The following RFX3 variants were observed in gnomAD, a reference collection of about 807,000 sequenced individuals.
RFX3 encodes regulatory factor X3, also known as transcription factor RFX3.
RFX3 carries 14 observed loss-of-function variants against 98.6 expected under a neutral mutation model. The ratio of observed to expected loss-of-function variants is 0.14; its 90% confidence interval spans 0.09 to 0.22. The LOEUF (loss-of-function observed/expected upper bound fraction) is 0.22. Ranked by LOEUF, RFX3 falls within the 10% of genes least tolerant of loss-of-function variation. The pLI is 1.00. For missense variants in RFX3, 639 were observed against 926.9 expected (o/e 0.69, Z 4.03); for synonymous variants, 383 against 328.4 (o/e 1.17, Z -1.80).
At chr9:3,524,028 T>G (rs1818976437) in intron 1 of RFX3, among the ~76,000 whole-genome samples, 1 of 152,204 alleles carries the variant, frequency 6.6e-6, no homozygotes. Context: ...TAATTAGTAC[T>G]GTCACATTAT....
At chr9:3,325,993 C>A (rs1187812988) in intron 4 of RFX3, among the ~76,000 whole-genome samples, 1 of 152,052 alleles carries the variant, frequency 6.6e-6, no homozygotes, top group Non-Finnish European at 1.5e-5. Flanking sequence ...GAAATATTAA[C>A]AATAAACAGA....
At chr9:3,344,950 A>T (rs892976373) in intron 3 of RFX3, 3 of 651,212 alleles carry the variant, frequency 4.6e-6, no homozygotes, top group Non-Finnish European at 8.4e-6. Context: ...GTATAGATTT[A>T]ATACGGTAAC....
intron 1 of RFX3, among the ~76,000 whole-genome samples, chr9:3,439,655 C>G (rs909780212): frequency 2.0e-5 from 3 of 151,958 alleles, no homozygotes; most frequent in Non-Finnish European, 4.4e-5. Flanking sequence ...AATTCAAAAA[C>G]CTTCCCACAA....
intron 2 of RFX3, chr9:3,394,699 C>G: frequency 2.7e-6 from 1 of 374,492 alleles, no homozygotes; most frequent in Non-Finnish European, 3.7e-6. Flanking sequence ...GCTAAAGAGT[C>G]TCTTTAATAC....
chr9:3,229,518 T>G (rs999856644), intron 15 of RFX3, among the ~76,000 whole-genome samples: 2 of 152,214 alleles, frequency 1.3e-5, no homozygotes, highest in African/African-American at 4.8e-5. Context: ...GAACAATTAA[T>G]AGCCTTCGGC....
At chr9:3,317,890 G>C (rs1830810311) in intron 4 of RFX3, among the ~76,000 whole-genome samples, 1 of 152,208 alleles carries the variant, frequency 6.6e-6, no homozygotes, top group African/African-American at 2.4e-5. Flanking sequence ...TGGAGAGGAT[G>C]TGGAGAAATA....
At chr9:3,451,163 T>C (rs898270344) in intron 1 of RFX3, among the ~76,000 whole-genome samples, 1 of 152,174 alleles carries the variant, frequency 6.6e-6, no homozygotes, top group Non-Finnish European at 1.5e-5. Flanking sequence ...GAGCTCTCAA[T>C]GGCCAAAGTT....
chr9:3,474,634 G>C (rs1468926807), intron 1 of RFX3, among the ~76,000 whole-genome samples: 3 of 152,184 alleles, frequency 2.0e-5, no homozygotes, highest in Non-Finnish European at 4.4e-5. Context: ...AAGTAAGTCA[G>C]CCAACAAGTG....
chr9:3,323,407 T>A (rs953242244), intron 4 of RFX3, among the ~76,000 whole-genome samples: 2 of 152,220 alleles, frequency 1.3e-5, no homozygotes, highest in Non-Finnish European at 2.9e-5. Context: ...TCATATTTTA[T>A]CTGGATTATC....
intron 1 of RFX3, among the ~76,000 whole-genome samples, chr9:3,498,877 G>A (rs1851297092): frequency 6.6e-6 from 1 of 151,956 alleles, no homozygotes; most frequent in Admixed American, 6.6e-5. Context: ...AACCTAAAAG[G>A]GTATGCTGTG....
At chr9:3,361,992 A>G (rs1836512243) in intron 2 of RFX3, among the ~76,000 whole-genome samples, 2 of 152,192 alleles carry the variant, frequency 1.3e-5, no homozygotes, top group Non-Finnish European at 2.9e-5. Flanking sequence ...GCTATTTAAT[A>G]AATCTTGCCA....
chr9:3,431,667 G>T (rs568735586), intron 1 of RFX3, among the ~76,000 whole-genome samples: 38 of 152,248 alleles, frequency 2.5e-4, no homozygotes, highest in Admixed American at 1.3e-3. Context: ...AAAGCAAAAG[G>T]AAGGTGAATG....
rs2131217451 is a variant in RFX3, at chr9:3,262,856, G to T, written c.1605+79C>A. 2.8e-6 allele frequency: 4 copies of T among 1,440,094 alleles called. No individual in the cohort carries two copies. The East Asian group carries it at 9.2e-5, about 33-fold the overall frequency. The allele number at this position is 1,440,094 out of a possible 1,614,324, so 89.2% of individuals were successfully genotyped here. On this transcript the variant is annotated intron_variant, in intron 13 of 16. Transcript: ENST00000617270. ...CCATATATAGATGAGACTTTGAAAA[G>T]AAATTTGATGATCCCAATTAAGAAG...
intron 1 of RFX3, among the ~76,000 whole-genome samples, chr9:3,501,393 C>T (rs1045266496): frequency 1.3e-5 from 2 of 151,416 alleles, no homozygotes; most frequent in South Asian, 4.2e-4. Context: ...CATGTATTAC[C>T]AAGTATAAAA....
At position 3,525,817 on chromosome 9, in the gene RFX3, A is replaced by AGAG. The variant is rs928554462; in HGVS notation, c.-82_-80dup. 27 of 808,718 alleles carry AGAG rather than the reference A, an allele frequency of 3.3e-5. No homozygotes were observed. The highest frequency in any genetic ancestry group is 7.5e-5 in the African/African-American group (4 of 53,560). The allele number at this position is 808,718 out of a possible 1,614,324, so 50.1% of individuals were successfully genotyped here. A position where few individuals can be genotyped will look rare whatever the true frequency, so the allele number is the denominator to read the frequency against. ...GTGGTGGTGGGGAGGAGGAGGAGGA[A>AGAG]GAGGAGGAGGAGGAGGAGAGGAGTA... On this transcript the variant is annotated 5_prime_UTR_variant, in exon 1 of 17. Transcript: ENST00000617270.
chr9:3,340,573 C>G (rs1181247064), intron 3 of RFX3, among the ~76,000 whole-genome samples: 11 of 152,134 alleles, frequency 7.2e-5, no homozygotes, highest in Non-Finnish European at 1.0e-4. Flanking sequence ...AACAAACAAC[C>G]CCATCAAAAA....
At chr9:3,418,338 C>A (rs564683147) in intron 1 of RFX3, among the ~76,000 whole-genome samples, 45 of 152,192 alleles carry the variant, frequency 3.0e-4, no homozygotes, top group African/African-American at 1.0e-3. Context: ...AAATGGTAAA[C>A]ATTATTACAT....
chr9:3,309,244 G>A (rs956593411), intron 4 of RFX3, among the ~76,000 whole-genome samples: 1 of 152,130 alleles, frequency 6.6e-6, no homozygotes, highest in African/African-American at 2.4e-5. Context: ...AAGGGCAAGG[G>A]AGATGTCGTA....
At chr9:3,493,540 C>T (rs1011736127) in intron 1 of RFX3, among the ~76,000 whole-genome samples, 6 of 151,442 alleles carry the variant, frequency 4.0e-5, no homozygotes, top group South Asian at 2.1e-4. Flanking sequence ...AAAAATTTTC[C>T]GGGCGTGGTG....
Sources: allele counts gnomAD v4.1 joint callset (sites outside exome capture counted in the v4.1 genomes callset), GRCh38; gene constraint gnomAD v4.1.1; transcripts MANE v1.5; gene names NCBI Gene and HGNC (gene_info 2026-07-23, HGNC 2026-07-21).